The following PPP1R37 variants were observed in gnomAD, a reference collection of about 807,000 sequenced individuals.
PPP1R37 encodes the protein protein phosphatase 1 regulatory subunit 37, also known as leucine rich repeat containing 68.
PPP1R37 carries 21 observed loss-of-function variants against 61.0 expected under a neutral mutation model. That is an observed-to-expected ratio of 0.34 (90% CI 0.24 to 0.50). The LOEUF (loss-of-function observed/expected upper bound fraction) is 0.50, where lower values mean the gene tolerates loss of function less well. PPP1R37 is among the 20% of genes least tolerant of loss of function. The pLI is 0.98. For synonymous variants in PPP1R37, 443 were observed against 433.5 expected, an observed-to-expected ratio of 1.02 and a Z score of -0.27; for missense variants, 910 against 952.7, an observed-to-expected ratio of 0.96 and a Z score of 0.59.
rs1030769924 is a variant in PPP1R37 at position 45,145,655 on chromosome 19, C to T, written c.1599C>T (p.Pro533=). The T allele has an allele frequency of 4.6e-6, 7 of 1,535,390 alleles. No individual in the cohort carries two copies. The highest frequency in any genetic ancestry group is 2.4e-5 in the East Asian group (1 of 40,898). ...AGACCCCCTGTCCTGCCCTGGTGCC[C>T]CCCACGGACTCCCTGGGCCCTGGGG... The part of the protein sequence containing the change: ...RDETPCPALV[P]PTDSLGPGDR... The change falls in exon 11 of 13, where the codon CCC becomes CCT. Residue 533 remains proline (P), a synonymous_variant. Coordinates refer to ENST00000221462, the MANE Select transcript of PPP1R37 (RefSeq NM_019121.2).
At chr19:45,146,242 G>T (rs1329404923) in intron 11 of PPP1R37, 148 bp from the exon 12 acceptor site, 1 of 888,232 alleles carries the variant, frequency 1.1e-6, no homozygotes, top group African/African-American at 1.9e-5. Flanking sequence ...GGGTGGGGGG[G>T]CATGTAAGGT....
chr19:45,106,755 G>A (rs1302561104), intron 1 of PPP1R37, among the ~76,000 whole-genome samples: 1 of 150,190 alleles, frequency 6.7e-6, no homozygotes, highest in African/African-American at 2.5e-5. Flanking sequence ...GGTTGCTCAG[G>A]CTTCGTTGTG....
chr19:45,106,536 G>A (rs907466411), intron 1 of PPP1R37, among the ~76,000 whole-genome samples: 5 of 151,886 alleles, frequency 3.3e-5, no homozygotes, highest in Admixed American at 6.6e-5. Flanking sequence ...GAGCCGCCGC[G>A]CCTGGCCTGT....
chr19:45,125,406 T>G (rs1968392456), intron 1 of PPP1R37, among the ~76,000 whole-genome samples: 1 of 152,150 alleles, frequency 6.6e-6, no homozygotes, highest in Non-Finnish European at 1.5e-5. Context: ...GAGGTTGCAG[T>G]GAGCCAAGAT....
At chr19:45,143,880 G>T in intron 8 of PPP1R37, 1 of 338,972 alleles carries the variant, frequency 3.0e-6, no homozygotes, top group South Asian at 3.5e-5. Flanking sequence ...ACCCAGGCTG[G>T]AGTGCAGTGG....
At chr19:45,094,085 A>G (rs1384714677) in intron 1 of PPP1R37, among the ~76,000 whole-genome samples, 1 of 152,260 alleles carries the variant, frequency 6.6e-6, no homozygotes, top group East Asian at 1.9e-4. Flanking sequence ...ATAAGGTCCC[A>G]GAAGAGGAGC....
intron 1 of PPP1R37, among the ~76,000 whole-genome samples, chr19:45,127,362 A>AC (rs987725221): frequency 2.8e-5 from 4 of 141,432 alleles, no homozygotes; most frequent in African/African-American, 1.3e-4. Flanking sequence ...CAAAAAAAAA[A>AC]AAAAAAAAAA....
intron 1 of PPP1R37, among the ~76,000 whole-genome samples, chr19:45,115,508 GGAGCCATA>G (rs1968254760): frequency 6.6e-6 from 1 of 152,124 alleles, no homozygotes; most frequent in Non-Finnish European, 1.5e-5. Flanking sequence ...TGAGGATTGT[GGAGCCATA>G]GACTGCTCAG....
Position 45,099,529 on chromosome 19 carries a change from G to A in PPP1R37, c.202+6002G>A, listed in dbSNP as rs542240924. Among the ~76,000 whole-genome samples, 5 of 152,352 alleles carry A rather than the reference G, an allele frequency of 3.3e-5. 1 individual carries two copies. The South Asian group carries it at 1.0e-3, about 32-fold the overall frequency. On this transcript the variant is annotated intron_variant, in intron 1 of 12. Coordinates refer to ENST00000221462, the MANE Select transcript of PPP1R37 (RefSeq NM_019121.2). ...CCCCTGCCCTGTTGGAGCATGATCA[G>A]GTTAGTGGTGGTATTGTGCTGGTGC...
At chr19:45,129,105 G>A in intron 1 of PPP1R37, 1 of 573,188 alleles carries the variant, frequency 1.7e-6, no homozygotes, top group Non-Finnish European at 3.4e-6. Context: ...CTGGCCTTCT[G>A]TAGGCTGGAC....
chr19:45,093,348 C>A lies in PPP1R37; in HGVS notation c.23C>A (p.Ala8Glu). The A allele has an allele frequency of 2.0e-6, 3 of 1,498,888 alleles. No individual in the cohort carries two copies. Among genetic ancestry groups the A allele is most frequent in the Non-Finnish European group, 1.8e-6 (2 of 1,128,382 alleles). 92.8% of individuals were successfully genotyped at this position (1,498,888 alleles called of 1,614,324 possible). MEIAPQE[A>E]PPVPGADGDI... is the part of the protein sequence containing the mutation. ...GCTATGGAGATCGCGCCGCAGGAGG[C>A]GCCGCCCGTGCCGGGCGCGGACGGC... Residue 8 changes from alanine to glutamate, a missense_variant, in exon 1 of 13, where the codon GCG (alanine) becomes GAG (glutamate). Ala to Glu is a moderately radical substitution (Grantham distance 107, BLOSUM62 -1). Coordinates refer to ENST00000221462, the MANE Select transcript of PPP1R37 (RefSeq NM_019121.2).
intron 1 of PPP1R37, among the ~76,000 whole-genome samples, chr19:45,138,154 A>C (rs1276915503): frequency 6.6e-6 from 1 of 152,016 alleles, no homozygotes; most frequent in Non-Finnish European, 1.5e-5. Context: ...ACAGTGTTGG[A>C]GACATGGTGG....
rs747399039 is a variant in PPP1R37 at position 45,138,638 on chromosome 19, C to G, written c.300+27C>G. ...TATGGGCGGGACAGGGTGGGTGCGT[C>G]CGGTGTGGGTGTCAAGGGGGGCCCT... On this transcript the variant is annotated intron_variant, in intron 2 of 12. Transcript: ENST00000221462. The G allele has an allele frequency of 7.5e-6, 11 of 1,471,626 alleles. No individual in the cohort carries two copies. The South Asian group carries it at 1.3e-4, about 18-fold the overall frequency. 91.2% of individuals were successfully genotyped at this position (1,471,626 alleles called of 1,614,324 possible). A position where few individuals can be genotyped will look rare whatever the true frequency, so the allele number is the denominator to read the frequency against.
intron 1 of PPP1R37, among the ~76,000 whole-genome samples, chr19:45,117,625 G>A (rs1968286520): frequency 6.6e-6 from 1 of 152,150 alleles, no homozygotes; most frequent in Non-Finnish European, 1.5e-5. Context: ...TCCCCACCAG[G>A]TCTTCTGTGT....
At chr19:45,109,855 C>A (rs2122717872) in intron 1 of PPP1R37, among the ~76,000 whole-genome samples, 1 of 152,308 alleles carries the variant, frequency 6.6e-6, no homozygotes, top group East Asian at 1.9e-4. Context: ...TGTCGCCCAC[C>A]TGCATCTGCA....
chr19:45,142,566 G>A (rs942951829), intron 7 of PPP1R37, 108 bp downstream of exon 7: 57 of 1,148,492 alleles, frequency 5.0e-5, no homozygotes, highest in Middle Eastern at 4.5e-4. Context: ...CCACCCCAAC[G>A]CTGTCCTGCT....
chr19:45,099,103 C>A (rs1170264340), intron 1 of PPP1R37, among the ~76,000 whole-genome samples: 3 of 152,202 alleles, frequency 2.0e-5, no homozygotes, highest in Non-Finnish European at 4.4e-5. Context: ...CCTGTCATCA[C>A]CACTCCTCTG....
At chr19:45,133,828 C>T (rs1418643562) in intron 1 of PPP1R37, among the ~76,000 whole-genome samples, 2 of 152,210 alleles carry the variant, frequency 1.3e-5, no homozygotes, top group South Asian at 2.1e-4. Flanking sequence ...TGTGACATGG[C>T]AGAGTCAGAT....
At chr19:45,119,520 C>T (rs921479891) in intron 1 of PPP1R37, among the ~76,000 whole-genome samples, 3 of 152,116 alleles carry the variant, frequency 2.0e-5, no homozygotes, top group Non-Finnish European at 2.9e-5. Context: ...TCTGATGGAC[C>T]GACCCACTTT....
Sources: allele counts gnomAD v4.1 joint callset (sites outside exome capture counted in the v4.1 genomes callset), GRCh38; gene constraint gnomAD v4.1.1; transcripts MANE v1.5; gene names NCBI Gene and HGNC (gene_info 2026-07-23, HGNC 2026-07-21).